The following C1QTNF7 variants were observed in gnomAD, a reference collection of about 807,000 sequenced individuals.
C1QTNF7 encodes the protein complement C1q tumor necrosis factor-related protein 7.
C1QTNF7 carries 15 observed loss-of-function variants against 19.6 expected under a neutral mutation model. The ratio of observed to expected loss-of-function variants is 0.76; its 90% confidence interval spans 0.51 to 1.18. The LOEUF is 1.18. Ranked by LOEUF, C1QTNF7 falls within the 50% of genes most tolerant of loss-of-function variation. The pLI, the probability that C1QTNF7 is intolerant of heterozygous loss-of-function variation, is 0.00. For synonymous variants in C1QTNF7, 142 were observed against 137.5 expected, an observed-to-expected ratio of 1.03 and a Z score of -0.23; for missense variants, 324 against 359.7, an observed-to-expected ratio of 0.90 and a Z score of 0.80.
chr4:15,346,636 C>G (rs913639078), intron 1 of C1QTNF7, among the ~76,000 whole-genome samples: 33 of 152,158 alleles, frequency 2.2e-4, no homozygotes, highest in African/African-American at 8.0e-4. Flanking sequence ...CAATCCCATT[C>G]CACTCTAAAA....
intron 1 of C1QTNF7, among the ~76,000 whole-genome samples, chr4:15,351,477 T>G (rs1479476084): frequency 1.3e-5 from 2 of 152,158 alleles, no homozygotes; most frequent in African/African-American, 4.8e-5. Context: ...AAAGAAGCAT[T>G]TGGCAAGTAG....
chr4:15,441,161 T>A (rs1253712522), intron 2 of C1QTNF7, among the ~76,000 whole-genome samples: 2 of 151,978 alleles, frequency 1.3e-5, no homozygotes, highest in African/African-American at 4.8e-5. Context: ...AAAAAAAGAA[T>A]TTATGTTCCT....
At chr4:15,404,313 C>A (rs1719115294) in intron 1 of C1QTNF7, among the ~76,000 whole-genome samples, 1 of 152,156 alleles carries the variant, frequency 6.6e-6, no homozygotes, top group South Asian at 2.1e-4. Context: ...CCTGAAGACA[C>A]AAGCAGTTTT....
intron 1 of C1QTNF7, chr4:15,374,869 C>A: frequency 2.0e-6 from 1 of 508,268 alleles, no homozygotes; most frequent in Non-Finnish European, 2.5e-6. Flanking sequence ...CTCTCTCTCT[C>A]TCTTTTTTTT....
chr4:15,416,522 G>A (rs928115778), intron 1 of C1QTNF7, among the ~76,000 whole-genome samples: 6 of 152,148 alleles, frequency 3.9e-5, no homozygotes, highest in Non-Finnish European at 8.8e-5. Context: ...CCTGGACCAG[G>A]CAGGATACAG....
rs577106584 is a variant in C1QTNF7, at chr4:15,422,201, GTTT to G, written c.14-13528_14-13526del. On this transcript the variant is annotated intron_variant, in intron 1 of 2. Transcript: ENST00000295297. Reference sequence around the variant, plus strand: ...TTAATAATTATAATCTAATAAACCTGTTTTTTTTTAAAAAAAAAAAAAAGGATA... The same window carrying G: ...TTAATAATTATAATCTAATAAACCTGTTTTTTAAAAAAAAAAAAAAGGATA... 7.9e-3 allele frequency among the ~76,000 whole-genome samples: 830 copies of G among 105,702 alleles called. 5 individuals are homozygous for G. The highest frequency in any genetic ancestry group is 0.036 in the Middle Eastern group (8 of 220). The allele number at this position is 105,702 out of a possible 152,430, so 69.3% of individuals were successfully genotyped here.
intron 1 of C1QTNF7, among the ~76,000 whole-genome samples, chr4:15,394,495 T>C (rs1718707536): frequency 1.3e-5 from 2 of 152,180 alleles, no homozygotes; most frequent in South Asian, 4.1e-4. Context: ...AACAAATTCA[T>C]CCTCATATGT....
intron 1 of C1QTNF7, among the ~76,000 whole-genome samples, chr4:15,341,960 TCAGGCCCGC>T (rs1716555927): frequency 6.6e-6 from 1 of 152,164 alleles, no homozygotes; most frequent in Non-Finnish European, 1.5e-5. Context: ...TCTCTGGAAG[TCAGGCCCGC>T]CAGGCCCCAC....
At chr4:15,405,229 C>T (rs1019646293) in intron 1 of C1QTNF7, among the ~76,000 whole-genome samples, 28 of 152,170 alleles carry the variant, frequency 1.8e-4, no homozygotes, top group African/African-American at 6.8e-4. Flanking sequence ...CTTTCATCCT[C>T]GCACTTGTGT....
At chr4:15,401,291 A>G (rs1718987798) in intron 1 of C1QTNF7, among the ~76,000 whole-genome samples, 2 of 152,194 alleles carry the variant, frequency 1.3e-5, no homozygotes, top group Non-Finnish European at 2.9e-5. Context: ...TGCAGCCACA[A>G]CAAAATCTGC....
In C1QTNF7 at chr4:15,435,734, A is replaced by T; in HGVS notation, c.-8-2A>T. The T allele has an allele frequency of 6.2e-7, 1 of 1,614,126 alleles. No individual in the cohort carries two copies. Among genetic ancestry groups the T allele is most frequent in the Non-Finnish European group, 8.5e-7 (1 of 1,179,978 alleles). On this transcript the variant is annotated splice_acceptor_variant, in intron 1 of 2. Coordinates refer to ENST00000444304, the MANE Select transcript of C1QTNF7 (RefSeq NM_031911.5). LOFTEE classifies it low-confidence loss of function (5UTR_SPLICE). ...ATTTACGTCTGTGTGTTTCTCTTCC[A>T]GAGCCAAAGATGTTTGTCTTGCTCT...
At chr4:15,364,935 T>C (rs1717457991) in intron 1 of C1QTNF7, among the ~76,000 whole-genome samples, 1 of 152,152 alleles carries the variant, frequency 6.6e-6, no homozygotes, top group Admixed American at 6.6e-5. Context: ...GAGGCAAGAA[T>C]AGCACCTCTT....
At chr4:15,382,380 A>T (rs1392946241) in intron 1 of C1QTNF7, among the ~76,000 whole-genome samples, 1 of 150,080 alleles carries the variant, frequency 6.7e-6, no homozygotes, top group African/African-American at 2.5e-5. Flanking sequence ...ATTAGCCAAA[A>T]ACTCATTTCT....
chr4:15,409,007 C>T (rs1225368028), intron 1 of C1QTNF7, among the ~76,000 whole-genome samples: 1 of 152,176 alleles, frequency 6.6e-6, no homozygotes, highest in Admixed American at 6.5e-5. Context: ...CTAAGACCCC[C>T]AGTCTCAGCA....
chr4:15,397,288 T>C (rs920002620), intron 1 of C1QTNF7, among the ~76,000 whole-genome samples: 1 of 152,146 alleles, frequency 6.6e-6, no homozygotes, highest in Admixed American at 6.5e-5. Context: ...CAGAGGTGGA[T>C]TGAGAGCCCT....
At chr4:15,432,334 C>A (rs1243442335) in intron 1 of C1QTNF7, among the ~76,000 whole-genome samples, 1 of 152,228 alleles carries the variant, frequency 6.6e-6, no homozygotes, top group East Asian at 1.9e-4. Flanking sequence ...AATCCCAGTA[C>A]TTGACTGACC....
At chr4:15,363,569 T>A (rs1717415219) in intron 1 of C1QTNF7, among the ~76,000 whole-genome samples, 1 of 152,158 alleles carries the variant, frequency 6.6e-6, no homozygotes, top group Non-Finnish European at 1.5e-5. Context: ...TCCATCAACC[T>A]CTGCTTACTT....
chr4:15,421,557 A>G (rs1477334412), intron 1 of C1QTNF7, among the ~76,000 whole-genome samples: 1 of 138,306 alleles, frequency 7.2e-6, no homozygotes, highest in East Asian at 1.9e-4. Context: ...GGATTATTTC[A>G]ATTAATTTTT....
intron 1 of C1QTNF7, among the ~76,000 whole-genome samples, chr4:15,385,802 C>T (rs192081752): frequency 1.6e-4 from 24 of 152,314 alleles, no homozygotes; most frequent in Admixed American, 9.1e-4. Flanking sequence ...CAAGAGCGGG[C>T]TCGCTTGGTG....
Sources: gnomAD v4.1 joint callset for allele counts (sites outside exome capture counted in the v4.1 genomes callset) on GRCh38, gnomAD v4.1.1 for gene constraint, MANE v1.5 for transcripts, NCBI Gene and HGNC (gene_info 2026-07-23, HGNC 2026-07-21) for gene names.